Variants in HIRA observed in about 807,000 individuals in gnomAD.
HIRA encodes histone cell cycle regulator.
Under a neutral mutation model 126.6 loss-of-function variants are expected in HIRA, and 13 were observed. That is an observed-to-expected ratio of 0.10 (90% CI 0.07 to 0.16). The LOEUF (loss-of-function observed/expected upper bound fraction) is 0.16, where lower values mean the gene tolerates loss of function less well. HIRA is among the 10% of genes least tolerant of loss of function. The pLI is 1.00. For synonymous variants in HIRA, 511 were observed against 520.0 expected, an observed-to-expected ratio of 0.98 and a Z score of 0.24; for missense variants, 834 against 1,314.4, an observed-to-expected ratio of 0.63 and a Z score of 5.65.
intron 11 of HIRA, among the ~76,000 whole-genome samples, chr22:19,386,334 CAGG>C (rs1233925466): frequency 2.6e-5 from 4 of 152,182 alleles, no homozygotes; most frequent in African/African-American, 9.7e-5. Flanking sequence ...ACAAGCTAGA[CAGG>C]AGCCTCATGA....
intron 24 of HIRA, among the ~76,000 whole-genome samples, chr22:19,336,574 C>T (rs1454253136): frequency 6.6e-6 from 1 of 152,216 alleles, no homozygotes; most frequent in Non-Finnish European, 1.5e-5. Flanking sequence ...GTAGCATAAC[C>T]AGCATTTGAG....
chr22:19,380,437 T>C (rs1178380193), intron 13 of HIRA, among the ~76,000 whole-genome samples: 2 of 152,174 alleles, frequency 1.3e-5, no homozygotes, highest in African/African-American at 4.8e-5. Flanking sequence ...TTCGGGCCTG[T>C]TTCCTCATAT....
intron 1 of HIRA, among the ~76,000 whole-genome samples, chr22:19,411,906 G>A (rs1389335801): frequency 6.6e-6 from 1 of 152,170 alleles, no homozygotes; most frequent in Non-Finnish European, 1.5e-5. Context: ...TTAAATGCTG[G>A]TGCCCAAAAG....
intron 24 of HIRA, among the ~76,000 whole-genome samples, chr22:19,345,286 T>G (rs1189537486): frequency 6.6e-6 from 1 of 152,262 alleles, no homozygotes; most frequent in East Asian, 1.9e-4. Flanking sequence ...TCTGCCTGCC[T>G]GTGGTACTAG....
rs1268598393 is a variant in HIRA, at chr22:19,431,680, G to A, written c.-204C>T. The A allele has an allele frequency of 1.9e-5, 8 of 416,636 alleles. No individual in the cohort carries two copies. Among genetic ancestry groups the A allele is most frequent in the Non-Finnish European group, 2.6e-5 (7 of 267,650 alleles). The allele number at this position is 416,636 out of a possible 1,614,324, so 25.8% of individuals were successfully genotyped here. ...CCACCCGCGCTCGGCCGCCGCCGCC[G>A]CCACCACAGCCGCATCCCCTGCGCC... On this transcript the variant is annotated 5_prime_UTR_variant, in exon 1 of 25. Transcript: ENST00000263208.
chr22:19,343,833 A>C (rs2088657774), intron 24 of HIRA, among the ~76,000 whole-genome samples: 1 of 151,556 alleles, frequency 6.6e-6, no homozygotes, highest in African/African-American at 2.4e-5. Flanking sequence ...AGGCAGAGGC[A>C]GGAGGATTGA....
intron 1 of HIRA, among the ~76,000 whole-genome samples, chr22:19,429,603 G>A (rs371528812): frequency 1.3e-5 from 2 of 152,166 alleles, no homozygotes; most frequent in African/African-American, 4.8e-5. Context: ...AGCAATAAGG[G>A]CCACTGTTGT....
intron 1 of HIRA, among the ~76,000 whole-genome samples, chr22:19,421,334 G>C (rs2089444865): frequency 6.6e-6 from 1 of 151,452 alleles, no homozygotes; most frequent in South Asian, 2.1e-4. Flanking sequence ...CAACATTTTA[G>C]CTATGCCAGT....
At chr22:19,398,945 G>A (rs2089245205) in intron 5 of HIRA, 4 of 181,812 alleles carry the variant, frequency 2.2e-5, no homozygotes. Context: ...CTCCAGGCTG[G>A]GCAACAGAGT....
intron 9 of HIRA, 117 bp downstream of exon 9, chr22:19,391,984 G>C (rs558987582): frequency 3.9e-6 from 2 of 511,084 alleles, no homozygotes; most frequent in African/African-American, 3.8e-5. Flanking sequence ...GCTGACCCCA[G>C]GTGCAGAATA....
At chr22:19,403,399 G>A (rs1487829554) in intron 5 of HIRA, among the ~76,000 whole-genome samples, 1 of 152,146 alleles carries the variant, frequency 6.6e-6, no homozygotes, top group African/African-American at 2.4e-5. Context: ...CACGAGGTCA[G>A]GAGATCAAGA....
intron 2 of HIRA, among the ~76,000 whole-genome samples, chr22:19,409,047 G>T (rs1413746344): frequency 6.6e-6 from 1 of 152,198 alleles, no homozygotes; most frequent in Non-Finnish European, 1.5e-5. Flanking sequence ...GCACACCCTA[G>T]TGGGGTTTCC....
In HIRA at chr22:19,355,865, C is replaced by T; in HGVS notation, c.2456G>A (p.Gly819Glu). 1 of 1,605,172 alleles carries T rather than the reference C, an allele frequency of 6.2e-7. No homozygotes were observed. The highest frequency in any genetic ancestry group is 8.5e-7 in the Non-Finnish European group (1 of 1,172,116). The stretch of plus-strand genomic sequence containing the variant: ...GATCTGTGATACCGTCATATCACTT[C>T]CTGAGGACAGCATGGGAATGAGTTC... ...KEESLHSILA[G>E]SDMTVSQILL... Residue 819 changes from glycine to glutamate, a missense_variant and splice_region_variant, in exon 21 of 25, where the codon GGA (glycine) becomes GAA (glutamate). This residue lies in a region of HIRA where 468 missense variants were observed against 574.2 expected (regional missense o/e 0.82). Coordinates refer to ENST00000263208, the MANE Select transcript of HIRA (RefSeq NM_003325.4).
intron 5 of HIRA, among the ~76,000 whole-genome samples, chr22:19,398,567 G>C (rs1405482318): frequency 6.6e-6 from 1 of 152,152 alleles, no homozygotes; most frequent in Non-Finnish European, 1.5e-5. Flanking sequence ...TCATGGACTG[G>C]GTCTCATCTC....
At chr22:19,362,570 T>C (rs2088874371) in intron 15 of HIRA, among the ~76,000 whole-genome samples, 2 of 152,182 alleles carry the variant, frequency 1.3e-5, no homozygotes, top group Admixed American at 1.3e-4. Context: ...ATTATCATTT[T>C]TTTTTTGGAG....
chr22:19,404,817 T>A (rs1601848822), intron 5 of HIRA, among the ~76,000 whole-genome samples: 1 of 152,192 alleles, frequency 6.6e-6, no homozygotes, highest in South Asian at 2.1e-4. Flanking sequence ...TATCTAGGCA[T>A]CCAGCCAAGA....
At chr22:19,400,129 C>T (rs1223311560) in intron 5 of HIRA, among the ~76,000 whole-genome samples, 1 of 152,174 alleles carries the variant, frequency 6.6e-6, no homozygotes, top group Non-Finnish European at 1.5e-5. Flanking sequence ...CACCTCTCTA[C>T]TTTTTTATAC....
intron 2 of HIRA, among the ~76,000 whole-genome samples, chr22:19,410,073 G>C (rs763938056): frequency 1.4e-4 from 22 of 152,256 alleles, no homozygotes; most frequent in Non-Finnish European, 2.9e-4. Flanking sequence ...AAAGATGACA[G>C]AGGGCTGGGC....
intron 15 of HIRA, among the ~76,000 whole-genome samples, chr22:19,367,344 T>G (rs1448525904): frequency 6.7e-6 from 1 of 150,014 alleles, no homozygotes; most frequent in South Asian, 2.1e-4. Context: ...TTGCATATAA[T>G]GTAGGCACAG....
Sources: gnomAD v4.1 joint callset for allele counts (sites outside exome capture counted in the v4.1 genomes callset) on GRCh38, gnomAD v4.1.1 for gene constraint, gnomAD v4.1.1 regional missense constraint, MANE v1.5 for transcripts, NCBI Gene and HGNC (gene_info 2026-07-23, HGNC 2026-07-21) for gene names.